Variants in PDE11A observed in about 807,000 individuals in gnomAD.
The protein encoded by PDE11A is phosphodiesterase 11A.
PDE11A carries 100 observed loss-of-function variants against 100.5 expected under a neutral mutation model. The observed-to-expected ratio is 1.00, with a 90% confidence interval of 0.85 to 1.18. PDE11A has a LOEUF of 1.18. Ranked by LOEUF, PDE11A falls within the 50% of genes most tolerant of loss-of-function variation. The probability of loss-of-function intolerance (pLI) is 0.00; values close to 1 mark genes in which losing one functional copy is unlikely to be tolerated. For missense variants in PDE11A, 1,141 were observed against 1,152.6 expected (o/e 0.99, Z 0.15); for synonymous variants, 381 against 420.8 (o/e 0.91, Z 1.16).
rs561219932 is a variant in PDE11A at position 177,838,036 on chromosome 2, C to T, written c.1500+2215G>A. On this transcript the variant is annotated intron_variant, in intron 6 of 19. Coordinates refer to ENST00000286063, the MANE Select transcript of PDE11A (RefSeq NM_016953.4). ...TTTTTCTCCATTTTGTCTTGCCACT[C>T]TTAAGGCACACATGAGAGGCCCTAA... Among the ~76,000 whole-genome samples the T allele has an allele frequency of 1.3e-4, 20 of 152,236 alleles. No individual in the cohort carries two copies. In the South Asian group the frequency reaches 4.1e-3, roughly 32 times the overall value.
intron 2 of PDE11A, among the ~76,000 whole-genome samples, chr2:178,009,031 A>T (rs1237962236): frequency 6.6e-6 from 1 of 152,344 alleles, no homozygotes; most frequent in East Asian, 1.9e-4. Flanking sequence ...ACACTGTAAT[A>T]TGAAATGACA....
intron 12 of PDE11A, 127 bp from the exon 13 acceptor site, chr2:177,712,005 C>G: frequency 1.5e-6 from 1 of 646,410 alleles, no homozygotes; most frequent in East Asian, 2.7e-5. Flanking sequence ...AACTGCCACT[C>G]CCTCAGACAA....
intron 2 of PDE11A, among the ~76,000 whole-genome samples, chr2:177,913,401 G>A (rs1280817413): frequency 6.6e-6 from 1 of 152,020 alleles, no homozygotes; most frequent in Non-Finnish European, 1.5e-5. Context: ...ATTAATTGAG[G>A]GTTGTGTACC....
chr2:177,911,380 C>A (rs1044481262), intron 2 of PDE11A, among the ~76,000 whole-genome samples: 1 of 152,134 alleles, frequency 6.6e-6, no homozygotes, highest in Non-Finnish European at 1.5e-5. Context: ...AGAGGTATAG[C>A]TTCATTCACT....
intron 9 of PDE11A, among the ~76,000 whole-genome samples, chr2:177,802,001 C>CT (rs754218638): frequency 2.1e-5 from 1 of 48,096 alleles, no homozygotes; most frequent in Non-Finnish European, 4.5e-5. Context: ...GTATAAAGAA[C>CT]TCTTCCAGTC....
intron 5 of PDE11A, among the ~76,000 whole-genome samples, chr2:177,841,118 T>G (rs1436139753): frequency 6.6e-6 from 1 of 152,228 alleles, no homozygotes; most frequent in African/African-American, 2.4e-5. Context: ...TTTTTGAACT[T>G]TCCCTTGTAT....
intron 13 of PDE11A, among the ~76,000 whole-genome samples, chr2:177,704,730 G>T (rs988850699): frequency 1.3e-5 from 2 of 152,172 alleles, no homozygotes; most frequent in Non-Finnish European, 2.9e-5. Flanking sequence ...TTTAAAAAGT[G>T]AATCTGTTTA....
chr2:177,899,495 A>G (rs2084666048), intron 3 of PDE11A: 1 of 272,870 alleles, frequency 3.7e-6, no homozygotes, highest in Non-Finnish European at 7.7e-6. Context: ...CATGGATTTC[A>G]GAAACTTACA....
intron 15 of PDE11A, among the ~76,000 whole-genome samples, chr2:177,691,434 A>G (rs1457840092): frequency 6.6e-6 from 1 of 152,148 alleles, no homozygotes; most frequent in Non-Finnish European, 1.5e-5. Context: ...ATGCTAACAC[A>G]AAGTGTGTTT....
intron 9 of PDE11A, among the ~76,000 whole-genome samples, chr2:177,802,452 C>A (rs1404147767): frequency 6.6e-6 from 1 of 151,842 alleles, no homozygotes; most frequent in Non-Finnish European, 1.5e-5. Context: ...TGGAAATAGC[C>A]AAAGTATTGA....
intron 10 of PDE11A, 45 bp from the exon 11 acceptor site, chr2:177,728,217 C>T: frequency 6.3e-7 from 1 of 1,583,176 alleles, no homozygotes; most frequent in Non-Finnish European, 8.7e-7. Context: ...CACCAGCTTT[C>T]CCAAACCCCC....
chr2:178,083,337 G>A (rs911964994), intron 2 of PDE11A, among the ~76,000 whole-genome samples: 6 of 152,112 alleles, frequency 3.9e-5, no homozygotes, highest in Admixed American at 6.6e-5. Flanking sequence ...GACCTCAAGT[G>A]ATCCACCCAC....
chr2:177,850,862 C>A (rs6717814), intron 5 of PDE11A, among the ~76,000 whole-genome samples: 2 of 151,474 alleles, frequency 1.3e-5, no homozygotes, highest in Non-Finnish European at 2.9e-5. Flanking sequence ...GTTAGAATGG[C>A]AATCATTAAA....
chr2:177,736,561 C>T (rs556109132), intron 10 of PDE11A, among the ~76,000 whole-genome samples: 2 of 151,688 alleles, frequency 1.3e-5, no homozygotes, highest in Non-Finnish European at 2.9e-5. Flanking sequence ...GAAGAATTTC[C>T]CCCTTTCACA....
intron 2 of PDE11A, among the ~76,000 whole-genome samples, chr2:178,084,668 A>G (rs1326001664): frequency 6.6e-6 from 1 of 152,202 alleles, no homozygotes; most frequent in Non-Finnish European, 1.5e-5. Context: ...TCAAAGAGCA[A>G]TGAGACTGGG....
intron 6 of PDE11A, among the ~76,000 whole-genome samples, chr2:177,827,234 G>A (rs2083239389): frequency 6.6e-6 from 1 of 152,208 alleles, no homozygotes; most frequent in Non-Finnish European, 1.5e-5. Flanking sequence ...AACTTTACAT[G>A]GAAGAATTGC....
At chr2:177,703,001 T>C (rs2081223871) in intron 13 of PDE11A, among the ~76,000 whole-genome samples, 2 of 152,204 alleles carry the variant, frequency 1.3e-5, no homozygotes, top group South Asian at 4.1e-4. Flanking sequence ...TCAAAACGTA[T>C]ACTATATGCC....
chr2:177,776,139 C>T (rs148690689), intron 9 of PDE11A, among the ~76,000 whole-genome samples: 1 of 152,020 alleles, frequency 6.6e-6, no homozygotes, highest in East Asian at 1.9e-4. Context: ...TATATATGAG[C>T]ATAAAGTAAG....
At chr2:177,631,496 AAAAAAAAAAAAAAAAAATATAT>A (rs1427369272) in intron 19 of PDE11A, among the ~76,000 whole-genome samples, 1 of 26,770 alleles carries the variant, frequency 3.7e-5, no homozygotes, top group African/African-American at 1.3e-4. Context: ...AAAAAAAAAA[AAAAAAAAAAAAAAAAAATATAT>A]ATATATATAT....
Sources: allele counts gnomAD v4.1 joint callset (sites outside exome capture counted in the v4.1 genomes callset), GRCh38; gene constraint gnomAD v4.1.1; transcripts MANE v1.5; gene names NCBI Gene and HGNC (gene_info 2026-07-23, HGNC 2026-07-21).